Variants in STX8 observed in about 807,000 individuals in gnomAD.
STX8 encodes syntaxin 8.
Under a neutral mutation model 37.5 loss-of-function variants are expected in STX8, and 23 were observed. The observed-to-expected ratio is 0.61, with a 90% CI of 0.44 to 0.87. The LOEUF (loss-of-function observed/expected upper bound fraction) is 0.87, where lower values mean the gene tolerates loss of function less well. Ranked by LOEUF, STX8 falls within the 40% of genes least tolerant of loss-of-function variation. STX8 has a pLI of 0.00. For missense variants in STX8, 313 were observed against 284.7 expected (o/e 1.10, Z -0.71); for synonymous variants, 115 against 99.1 (o/e 1.16, Z -0.95).
chr17:9,533,995 T>C (rs1159679177), intron 4 of STX8, among the ~76,000 whole-genome samples: 1 of 152,142 alleles, frequency 6.6e-6, no homozygotes, highest in Non-Finnish European at 1.5e-5. Context: ...GATCATGTGA[T>C]ACAATAGTCT....
intron 6 of STX8, among the ~76,000 whole-genome samples, chr17:9,453,617 C>T (rs973499774): frequency 8.6e-5 from 13 of 151,354 alleles, no homozygotes; most frequent in Admixed American, 4.6e-4. Flanking sequence ...CTCAGCCTCC[C>T]GAGTAGCTGG....
intron 7 of STX8, among the ~76,000 whole-genome samples, chr17:9,292,599 G>A (rs1180201288): frequency 1.3e-5 from 2 of 152,132 alleles, no homozygotes; most frequent in Non-Finnish European, 2.9e-5. Flanking sequence ...TTTATTCTGA[G>A]GCCTACAGGA....
chr17:9,573,080 A>ACCCCCCCC (rs71135994), intron 1 of STX8, among the ~76,000 whole-genome samples: 568 of 101,466 alleles, frequency 5.6e-3, no homozygotes, highest in East Asian at 0.013. Context: ...CACCCCCAAC[A>ACCCCCCCC]CCCCCCCCCA....
At chr17:9,466,684 G>C (rs1905625856) in intron 6 of STX8, among the ~76,000 whole-genome samples, 1 of 152,144 alleles carries the variant, frequency 6.6e-6, no homozygotes, top group African/African-American at 2.4e-5. Flanking sequence ...ACATAGGCCT[G>C]TGTCCAATAT....
intron 4 of STX8, among the ~76,000 whole-genome samples, chr17:9,515,180 T>G (rs1905128204): frequency 6.6e-6 from 1 of 152,192 alleles, no homozygotes; most frequent in South Asian, 2.1e-4. Context: ...ATGTCGTACT[T>G]GGAAGATGTT....
chr17:9,445,960 C>A (rs749834177), intron 6 of STX8, among the ~76,000 whole-genome samples: 1 of 151,676 alleles, frequency 6.6e-6, no homozygotes, highest in African/African-American at 2.4e-5. Context: ...CTCGGCCTCC[C>A]GAGTAGCTGG....
chr17:9,376,957 A>G (rs1911612876), intron 7 of STX8, among the ~76,000 whole-genome samples: 1 of 152,204 alleles, frequency 6.6e-6, no homozygotes, highest in Admixed American at 6.5e-5. Flanking sequence ...GAGAAGATTG[A>G]TAAAGCAAAA....
At chr17:9,327,810 G>A (rs1343294664) in intron 7 of STX8, among the ~76,000 whole-genome samples, 1 of 152,092 alleles carries the variant, frequency 6.6e-6, no homozygotes, top group Non-Finnish European at 1.5e-5. Flanking sequence ...TGAATACTGG[G>A]ACTACAGGTG....
chr17:9,449,234 T>C (rs1223649973), intron 6 of STX8, among the ~76,000 whole-genome samples: 1 of 152,160 alleles, frequency 6.6e-6, no homozygotes, highest in Non-Finnish European at 1.5e-5. Context: ...TGCCACAAAC[T>C]GAAAACAACT....
chr17:9,323,982 G>A (rs1004281821), intron 7 of STX8, among the ~76,000 whole-genome samples: 4 of 152,164 alleles, frequency 2.6e-5, no homozygotes, highest in South Asian at 2.1e-4. Flanking sequence ...GAGAGGCATC[G>A]GTCCTATTTG....
chr17:9,370,542 A>C (rs1011069059), intron 7 of STX8, among the ~76,000 whole-genome samples: 6 of 152,232 alleles, frequency 3.9e-5, no homozygotes, highest in Admixed American at 2.6e-4. Context: ...AGCTGAAGGC[A>C]GATCCAATGG....
intron 7 of STX8, among the ~76,000 whole-genome samples, chr17:9,267,919 A>T (rs1363855101): frequency 6.8e-6 from 1 of 147,776 alleles, no homozygotes; most frequent in East Asian, 2.1e-4. Flanking sequence ...TGAACCCGGG[A>T]GGCGGAGGTT....
At chr17:9,446,513 C>A (rs757370948) in intron 6 of STX8, among the ~76,000 whole-genome samples, 44 of 152,160 alleles carry the variant, frequency 2.9e-4, no homozygotes, top group Admixed American at 3.3e-4. Context: ...GGATTAATTT[C>A]TTCAAGGCTG....
chr17:9,506,407 T>TCCCCCCCCCCCCCCCCCCCCCCC lies in STX8; in HGVS notation c.324-1246_324-1245insGGGGGGGGGGGGGGGGGGGGGGG, dbSNP rs57490676. Among the ~76,000 whole-genome samples the TCCCCCCCCCCCCCCCCCCCCCCC allele has an allele frequency of 2.3e-4, 9 of 39,360 alleles. 1 individual carries two copies. The highest frequency in any genetic ancestry group is 4.3e-4 in the Admixed American group (1 of 2,308). 25.8% of individuals were successfully genotyped at this position (39,360 alleles called of 152,430 possible). A position where few individuals can be genotyped will look rare whatever the true frequency, so the allele number is the denominator to read the frequency against. ...TTAGAGTCAGCTGGTGCTCACCCGC[T>TCCCCCCCCCCCCCCCCCCCCCCC]CCCCCCCCCCCCCACCCACCTTTCT... On this transcript the variant is annotated intron_variant, in intron 4 of 7. Transcript: ENST00000306357.
chr17:9,365,850 G>A (rs924069546), intron 7 of STX8, among the ~76,000 whole-genome samples: 2 of 152,188 alleles, frequency 1.3e-5, no homozygotes, highest in South Asian at 4.1e-4. Context: ...GTGTGCACCT[G>A]TAACCCCAGC....
At chr17:9,322,814 T>TTAA (rs548814035) in intron 7 of STX8, among the ~76,000 whole-genome samples, 1 of 64,674 alleles carries the variant, frequency 1.5e-5, no homozygotes, top group Non-Finnish European at 2.8e-5. Flanking sequence ...GTGCATTTGC[T>TTAA]AAAAAAAAAA....
chr17:9,448,826 CTAAT>C (rs1013859785), intron 6 of STX8, among the ~76,000 whole-genome samples: 25 of 152,042 alleles, frequency 1.6e-4, no homozygotes, highest in African/African-American at 5.1e-4. Flanking sequence ...AGGACTGACT[CTAAT>C]TATTTTCAGA....
At chr17:9,496,955 A>C (rs191134938) in intron 5 of STX8, among the ~76,000 whole-genome samples, 15 of 152,326 alleles carry the variant, frequency 9.8e-5, no homozygotes, top group Middle Eastern at 3.4e-3. Flanking sequence ...CACCTACAGA[A>C]CTGTAAGATC....
At chr17:9,259,378 TC>T (rs1479932381) in intron 7 of STX8, among the ~76,000 whole-genome samples, 1 of 152,170 alleles carries the variant, frequency 6.6e-6, no homozygotes, top group Non-Finnish European at 1.5e-5. Flanking sequence ...TCCGTAAATG[TC>T]CTGCAACAGA....
Sources: allele counts gnomAD v4.1 joint callset (sites outside exome capture counted in the v4.1 genomes callset), GRCh38; gene constraint gnomAD v4.1.1; transcripts MANE v1.5; gene names NCBI Gene and HGNC (gene_info 2026-07-23, HGNC 2026-07-21).